IRAG2: variants seen among roughly 807,000 people sequenced by gnomAD.
The protein encoded by IRAG2 is lymphoid restricted membrane protein.
A neutral mutation model predicts 69.9 loss-of-function variants in IRAG2; 45 were observed. The ratio of observed to expected loss-of-function variants is 0.64; its 90% confidence interval spans 0.51 to 0.83. IRAG2 has a LOEUF of 0.83. Ranked by LOEUF, IRAG2 falls within the 40% of genes least tolerant of loss-of-function variation. The probability of loss-of-function intolerance (pLI) is 0.00; values close to 1 mark genes in which losing one functional copy is unlikely to be tolerated. For synonymous variants in IRAG2, 193 were observed against 202.4 expected (o/e 0.95, Z 0.40); for missense variants, 520 against 587.0 (o/e 0.89, Z 1.18).
chr12:25,079,486 TA>T (rs1254919019), intron 8 of IRAG2, 24 bp downstream of exon 8: 1 of 1,581,002 alleles, frequency 6.3e-7, no homozygotes, highest in Non-Finnish European at 8.7e-7. Flanking sequence ...GAAATAATAT[TA>T]AAATAGACTG....
chr12:25,075,304 T>C (rs547117703), intron 6 of IRAG2, among the ~76,000 whole-genome samples: 86 of 152,298 alleles, frequency 5.6e-4, no homozygotes, highest in Middle Eastern at 3.4e-3. Flanking sequence ...TAAGTATCAG[T>C]TATCTAAAAT....
intron 6 of IRAG2, among the ~76,000 whole-genome samples, chr12:25,077,337 A>G (rs183545987): frequency 1.6e-5 from 2 of 121,446 alleles, no homozygotes; most frequent in African/African-American, 6.8e-5. Flanking sequence ...TGATATATAT[A>G]TGAAATATAT....
intron 10 of IRAG2, among the ~76,000 whole-genome samples, chr12:25,085,355 G>C (rs1947508434): frequency 6.6e-6 from 1 of 152,024 alleles, no homozygotes; most frequent in South Asian, 2.1e-4. Flanking sequence ...TATGGAATGG[G>C]AAGGGGGTAT....
chr12:25,076,330 A>T (rs1414847194), intron 6 of IRAG2: 1 of 766,312 alleles, frequency 1.3e-6, no homozygotes, highest in Non-Finnish European at 1.6e-6. Flanking sequence ...TATTTGTTTA[A>T]TCAATAAATA....
At chr12:25,001,693 C>T (rs1448959481), upstream of IRAG2, among the ~76,000 whole-genome samples, 3 of 151,750 alleles carry the variant, frequency 2.0e-5, no homozygotes, top group Non-Finnish European at 4.4e-5. Context: ...CAACCTGTGC[C>T]TAAATTCTCT....
intron 14 of IRAG2, chr12:25,093,510 A>G (rs1948210904): frequency 6.5e-6 from 1 of 152,856 alleles, no homozygotes; most frequent in African/African-American, 2.4e-5. Context: ...CTCATCGCTG[A>G]GTTTGAGTTT....
intron 16 of IRAG2, among the ~76,000 whole-genome samples, chr12:25,042,186 G>T (rs1390643215): frequency 3.9e-5 from 6 of 152,078 alleles, no homozygotes; most frequent in Non-Finnish European, 1.5e-5. Flanking sequence ...AAACATGCTG[G>T]CAAGTTATAT....
In IRAG2 at chr12:25,034,562, A is replaced by C. The variant is rs1169395242; in HGVS notation, c.1743+615A>C. Among the ~76,000 whole-genome samples, 2 of 152,180 alleles carry C rather than the reference A, an allele frequency of 1.3e-5. 1 individual carries two copies. Among genetic ancestry groups the C allele is most frequent in the Non-Finnish European group, 2.9e-5 (2 of 68,026 alleles). On this transcript the variant is annotated intron_variant, in intron 13 of 38. Coordinates refer to the IRAG2 transcript ENST00000636465. ...AAATATTTTAAAAACCTTCTCGGGGATAAAGATGTTCTGACTCCCTTATGC... is the reference window on the plus strand; with the variant it reads ...AAATATTTTAAAAACCTTCTCGGGGCTAAAGATGTTCTGACTCCCTTATGC...
chr12:25,025,088 C>T (rs939248954), intron 8 of IRAG2, among the ~76,000 whole-genome samples: 2 of 152,146 alleles, frequency 1.3e-5, no homozygotes, highest in Non-Finnish European at 1.5e-5. Flanking sequence ...TCATTCAACA[C>T]GTATTCATTG....
At chr12:25,067,327 T>C (rs1565552442) in intron 5 of IRAG2, among the ~76,000 whole-genome samples, 1 of 152,148 alleles carries the variant, frequency 6.6e-6, no homozygotes, top group East Asian at 1.9e-4. Flanking sequence ...GGGGTTTTTT[T>C]CCCCACACTC....
At position 25,058,419 on chromosome 12, in the gene IRAG2, T is replaced by A. The variant is rs190043649; in HGVS notation, c.-446-3173T>A. Among the ~76,000 whole-genome samples, 5 of 152,350 alleles carry A rather than the reference T, an allele frequency of 3.3e-5. No homozygotes were observed. In the East Asian group the frequency reaches 9.6e-4, roughly 29 times the overall value. On this transcript the variant is annotated intron_variant, in intron 1 of 21. Transcript: ENST00000556887. Reference sequence around the variant, plus strand: ...TCTAAGTCTTTCACCCATTTTAAAATTAAGTTTTCTGTCCTTTTATTCTTG... The same window carrying A: ...TCTAAGTCTTTCACCCATTTTAAAAATAAGTTTTCTGTCCTTTTATTCTTG...
At chr12:25,012,554 G>A (rs1056219338) in intron 3 of IRAG2, among the ~76,000 whole-genome samples, 6 of 151,984 alleles carry the variant, frequency 3.9e-5, no homozygotes, top group Non-Finnish European at 8.8e-5. Flanking sequence ...TTGACAGGGC[G>A]CGATGGCTCA....
intron 7 of IRAG2, among the ~76,000 whole-genome samples, chr12:25,022,996 A>C (rs1471914042): frequency 6.6e-6 from 1 of 152,040 alleles, no homozygotes; most frequent in Non-Finnish European, 1.5e-5. Context: ...TGTGGTGGCA[A>C]GTGCCTGTAA....
chr12:25,053,476 A>C (rs913088193), intron 1 of IRAG2, among the ~76,000 whole-genome samples: 2 of 151,970 alleles, frequency 1.3e-5, no homozygotes, highest in African/African-American at 4.8e-5. Context: ...CATTCTCTAC[A>C]TACATCTACA....
At chr12:25,012,940 G>T (rs1463856) in intron 3 of IRAG2, among the ~76,000 whole-genome samples, 42,913 of 151,966 alleles carry the variant, frequency 0.28, 7,715 homozygotes, top group Admixed American at 0.45. Flanking sequence ...CCATACACAG[G>T]TTATTCATGA....
intron 6 of IRAG2, among the ~76,000 whole-genome samples, chr12:25,073,841 G>A (rs923670223): frequency 6.6e-6 from 1 of 152,326 alleles, no homozygotes; most frequent in East Asian, 1.9e-4. Flanking sequence ...TCTGCCATTT[G>A]CTTCAAAACA....
intron 6 of IRAG2, among the ~76,000 whole-genome samples, chr12:25,071,413 A>G (rs976139265): frequency 7.2e-5 from 11 of 152,220 alleles, no homozygotes; most frequent in African/African-American, 2.7e-4. Flanking sequence ...AGCAATTCTT[A>G]TAAAGTTTTA....
chr12:25,004,559 G>A (rs2139813053), exon 1 of IRAG2: 1 of 1,231,996 alleles, frequency 8.1e-7, no homozygotes, highest in Non-Finnish European at 1.0e-6. Context: ...CCTACGCCCG[G>A]CTCTCATTGG....
In IRAG2 at chr12:25,079,499, T is replaced by C. The variant is rs1452443434; in HGVS notation, c.136+37T>C. ...TGGAAATAATATTAAAATAGACTGT[T>C]AGTATTACAGCTTTCAGCCTGATGT... On this transcript the variant is annotated intron_variant, in intron 8 of 21. Transcript: ENST00000556887. 3.2e-6 allele frequency: 5 copies of C among 1,554,048 alleles called. No homozygotes were observed. The Admixed American group carries it at 5.0e-5, about 16-fold the overall frequency.
Sources: gnomAD v4.1 joint callset for allele counts (sites outside exome capture counted in the v4.1 genomes callset) on GRCh38, gnomAD v4.1.1 for gene constraint, MANE v1.5 for transcripts, NCBI Gene and HGNC (gene_info 2026-07-23, HGNC 2026-07-21) for gene names.